Variants in FOXN3 observed in about 807,000 individuals in gnomAD.
FOXN3 encodes forkhead box N3.
FOXN3 carries 7 observed loss-of-function variants against 38.4 expected under a neutral mutation model. The observed-to-expected ratio is 0.18, with a 90% CI of 0.10 to 0.34. The LOEUF (loss-of-function observed/expected upper bound fraction) is 0.34, where lower values mean the gene tolerates loss of function less well. Among genes scored for constraint, FOXN3 ranks in the 10% least tolerant of loss-of-function variants. FOXN3 has a pLI of 1.00. For synonymous variants in FOXN3, 230 were observed against 242.2 expected, an observed-to-expected ratio of 0.95 and a Z score of 0.47; for missense variants, 456 against 613.4, an observed-to-expected ratio of 0.74 and a Z score of 2.71.
At chr14:89,417,629 C>T, upstream of FOXN3, 1 of 452,436 alleles carries the variant, frequency 2.2e-6, no homozygotes. Context: ...CGCTCCTACC[C>T]CATCTGCATG....
At chr14:89,590,752 C>T (rs1423125824) in intron 1 of FOXN3, among the ~76,000 whole-genome samples, 1 of 152,154 alleles carries the variant, frequency 6.6e-6, no homozygotes, top group Non-Finnish European at 1.5e-5. Context: ...GAGAGTCAGC[C>T]GTAAAACCTA....
chr14:89,617,945 C>G (rs1896522948), intron 1 of FOXN3, among the ~76,000 whole-genome samples: 2 of 152,308 alleles, frequency 1.3e-5, no homozygotes, highest in South Asian at 4.1e-4. Flanking sequence ...ATTCGTGCAG[C>G]CTTCAGAGCT....
chr14:89,274,645 T>C (rs955552413), intron 4 of FOXN3, among the ~76,000 whole-genome samples: 2 of 152,192 alleles, frequency 1.3e-5, no homozygotes. Flanking sequence ...TTAACTGTGA[T>C]GCTAAAGCCC....
intron 2 of FOXN3, among the ~76,000 whole-genome samples, chr14:89,374,083 C>T (rs901532693): frequency 6.6e-6 from 1 of 151,388 alleles, no homozygotes; most frequent in African/African-American, 2.4e-5. Context: ...CTGGGCAACA[C>T]GAGGAAACCT....
At position 89,360,747 on chromosome 14, in the gene FOXN3, T is replaced by TCCAGCACCACCTCCA. The variant is rs1566966377; in HGVS notation, c.544-9940_544-9939insTGGAGGTGGTGCTGG. Among the ~76,000 whole-genome samples the TCCAGCACCACCTCCA allele has an allele frequency of 1.1e-3, 73 of 67,520 alleles. 7 individuals carry two copies. Among genetic ancestry groups the TCCAGCACCACCTCCA allele is most frequent in the African/African-American group, 5.2e-3 (66 of 12,620 alleles). 44.3% of individuals were successfully genotyped at this position (67,520 alleles called of 152,430 possible). A position where few individuals can be genotyped will look rare whatever the true frequency, so the allele number is the denominator to read the frequency against. On this transcript the variant is annotated intron_variant, in intron 2 of 5. Transcript: ENST00000557258. The stretch of plus-strand genomic sequence containing the variant: ...CACCACCACCACCTCCAGCACCACC[T>TCCAGCACCACCTCCA]CCACCACCACCTCCACCACTACCAC...
At chr14:89,555,139 A>G (rs967774258) in intron 1 of FOXN3, among the ~76,000 whole-genome samples, 3 of 151,892 alleles carry the variant, frequency 2.0e-5, no homozygotes, top group Non-Finnish European at 1.5e-5. Context: ...TTTTTTTTGT[A>G]CACTGTTCTG....
At chr14:89,429,146 C>T (rs1441442780) in intron 1 of FOXN3, among the ~76,000 whole-genome samples, 1 of 152,190 alleles carries the variant, frequency 6.6e-6, no homozygotes, top group Non-Finnish European at 1.5e-5. Context: ...CCTGGACCTC[C>T]GTGTTGGCTG....
At chr14:89,217,307 T>A (rs1041246611) in intron 4 of FOXN3, among the ~76,000 whole-genome samples, 2 of 152,072 alleles carry the variant, frequency 1.3e-5, no homozygotes, top group African/African-American at 2.4e-5. Flanking sequence ...ACATGGCTAT[T>A]TTTTTCCTTT....
intron 3 of FOXN3, among the ~76,000 whole-genome samples, chr14:89,333,984 A>ATATATATATATATC (rs1888350395): frequency 5.6e-4 from 12 of 21,482 alleles, no homozygotes; most frequent in African/African-American, 1.1e-3. Flanking sequence ...ATATATATAT[A>ATATATATATATATC]TATATATATA....
intron 3 of FOXN3, among the ~76,000 whole-genome samples, chr14:89,316,658 G>T (rs1411268530): frequency 6.8e-6 from 1 of 147,156 alleles, no homozygotes; most frequent in Non-Finnish European, 1.5e-5. Flanking sequence ...ACTGCGCCCA[G>T]CCTATGATGA....
At chr14:89,169,780 A>G (rs1887340800) in intron 5 of FOXN3, among the ~76,000 whole-genome samples, 2 of 152,200 alleles carry the variant, frequency 1.3e-5, no homozygotes, top group Admixed American at 6.5e-5. Flanking sequence ...TAGAAAGGGG[A>G]AAAATGGAAT....
intron 1 of FOXN3, among the ~76,000 whole-genome samples, chr14:89,499,027 A>G (rs1434013958): frequency 6.6e-6 from 1 of 152,112 alleles, no homozygotes; most frequent in Non-Finnish European, 1.5e-5. Flanking sequence ...GATGATAGAG[A>G]GGCAATCTCA....
intron 3 of FOXN3, among the ~76,000 whole-genome samples, chr14:89,313,895 C>A (rs903448704): frequency 6.6e-6 from 1 of 152,114 alleles, no homozygotes; most frequent in African/African-American, 2.4e-5. Context: ...AAAGGACAAA[C>A]ACTATATTAT....
chr14:89,235,354 G>C (rs952006574), intron 4 of FOXN3, among the ~76,000 whole-genome samples: 2 of 152,142 alleles, frequency 1.3e-5, no homozygotes, highest in Non-Finnish European at 2.9e-5. Context: ...ACCACACAAA[G>C]TAAAGTATAG....
chr14:89,511,165 C>CTTTT (rs1231667524), intron 1 of FOXN3, among the ~76,000 whole-genome samples: 1 of 23,030 alleles, frequency 4.3e-5, no homozygotes, highest in African/African-American at 7.4e-5. Flanking sequence ...TTCTTTCTTT[C>CTTTT]TTTCTTTCTT....
chr14:89,309,230 T>A (rs541220960), intron 3 of FOXN3, among the ~76,000 whole-genome samples: 12 of 152,286 alleles, frequency 7.9e-5, no homozygotes, highest in African/African-American at 2.9e-4. Context: ...TGGCGCACCC[T>A]GCAGCCACTT....
chr14:89,169,991 A>G (rs1282571517), intron 5 of FOXN3, among the ~76,000 whole-genome samples: 1 of 152,230 alleles, frequency 6.6e-6, no homozygotes, highest in Non-Finnish European at 1.5e-5. Flanking sequence ...TGTTTGCAAG[A>G]GACAATCCTA....
intron 3 of FOXN3, among the ~76,000 whole-genome samples, chr14:89,294,913 A>G (rs1886988942): frequency 6.6e-6 from 1 of 152,098 alleles, no homozygotes; most frequent in African/African-American, 2.4e-5. Context: ...ACTTTACTCT[A>G]TGGAATCGCC....
At chr14:89,551,513 A>G (rs1402529554) in intron 1 of FOXN3, among the ~76,000 whole-genome samples, 1 of 152,056 alleles carries the variant, frequency 6.6e-6, no homozygotes, top group African/African-American at 2.4e-5. Context: ...CACAGCACTC[A>G]GCTCCCTCCA....
Sources: allele counts gnomAD v4.1 joint callset (sites outside exome capture counted in the v4.1 genomes callset), GRCh38; gene constraint gnomAD v4.1.1; transcripts MANE v1.5; gene names NCBI Gene and HGNC (gene_info 2026-07-23, HGNC 2026-07-21).